The following CEP192 variants were observed in gnomAD, a reference collection of about 807,000 sequenced individuals.
CEP192 encodes the protein centrosomal protein of 192 kDa.
In CEP192, 151 loss-of-function variants were observed where a neutral mutation model predicts 271.8. The observed-to-expected ratio is 0.56, with a 90% CI of 0.49 to 0.64. The LOEUF (loss-of-function observed/expected upper bound fraction) is 0.64. CEP192 is among the 30% of genes least tolerant of loss of function. CEP192 has a pLI of 0.00. For synonymous variants in CEP192, 995 were observed against 1,076.5 expected, an observed-to-expected ratio of 0.92 and a Z score of 1.48; for missense variants, 2,910 against 3,020.5, an observed-to-expected ratio of 0.96 and a Z score of 0.86.
chr18:13,097,111 C>A (rs772764610), intron 36 of CEP192, among the ~76,000 whole-genome samples: 49 of 152,312 alleles, frequency 3.2e-4, no homozygotes, highest in Non-Finnish European at 5.0e-4. Context: ...CTCCAGAGAG[C>A]GTTGCTGGGA....
chr18:12,999,756 C>T (rs1474792204), intron 2 of CEP192, among the ~76,000 whole-genome samples, 168 bp downstream of exon 2: 1 of 151,466 alleles, frequency 6.6e-6, no homozygotes, highest in Non-Finnish European at 1.5e-5. Flanking sequence ...TCTTTTTCCC[C>T]ATTGCTTTGC....
At chr18:13,080,452 G>T (rs2038536680) in intron 30 of CEP192, among the ~76,000 whole-genome samples, 2 of 152,128 alleles carry the variant, frequency 1.3e-5, no homozygotes, top group Admixed American at 6.6e-5. Context: ...TGTTATTGGT[G>T]TATAGGAATG....
chr18:13,098,736 T>C (rs1390043382), intron 36 of CEP192, among the ~76,000 whole-genome samples: 1 of 119,556 alleles, frequency 8.4e-6, no homozygotes, highest in Non-Finnish European at 1.8e-5. Context: ...TCCCAGATGA[T>C]GGGCGGCCAG....
chr18:13,019,100 G>C lies in CEP192; in HGVS notation c.944G>C (p.Gly315Ala). 6.5e-7 allele frequency: 1 copy of C among 1,539,296 alleles called. No individual in the cohort carries two copies. The highest frequency in any genetic ancestry group is 8.8e-7 in the Non-Finnish European group (1 of 1,142,608). The stretch of plus-strand genomic sequence containing the variant: ...TTTTCAGGTAATTCTATAGGTACTG[G>C]AGATAGTAGAAGGTACACAGATGGT... ...LPGTSNSIGT[G>A]DSRRYTDGML... Residue 315 changes from glycine to alanine, a missense_variant, in exon 9 of 45, where the codon GGA (glycine) becomes GCA (alanine). Coordinates refer to ENST00000506447, the MANE Select transcript of CEP192 (RefSeq NM_032142.4).
intron 30 of CEP192, among the ~76,000 whole-genome samples, chr18:13,084,988 T>C (rs963810103): frequency 1.3e-5 from 2 of 150,062 alleles, no homozygotes; most frequent in African/African-American, 4.9e-5. Flanking sequence ...GCTAATTTTT[T>C]GGGTTTTTTT....
At chr18:13,048,077 A>G (rs1241709145) in intron 15 of CEP192, among the ~76,000 whole-genome samples, 2 of 152,236 alleles carry the variant, frequency 1.3e-5, no homozygotes, top group East Asian at 3.8e-4. Flanking sequence ...CATCATGCTT[A>G]TAAAGATCAA....
At chr18:13,016,442 C>G (rs2034649710) in intron 6 of CEP192, among the ~76,000 whole-genome samples, 1 of 152,174 alleles carries the variant, frequency 6.6e-6, no homozygotes, top group Admixed American at 6.5e-5. Flanking sequence ...ACTTTGAAAG[C>G]CAGGCTGATG....
chr18:13,049,946 T>TG (rs2036687505), intron 17 of CEP192, 55 bp downstream of exon 17: 8 of 1,401,290 alleles, frequency 5.7e-6, no homozygotes, highest in East Asian at 2.5e-5. Context: ...GTATAGGAAC[T>TG]GGGAAAAAAA....
Position 13,099,283 on chromosome 18 carries a change from C to T in CEP192, c.6558-193C>T, listed in dbSNP as rs144904147. ...GTTCATGCTGGTGAGTTCCTTGTAA[C>T]CCGTTGAGTCGGGTGGAGGCGGGAT... On this transcript the variant is annotated intron_variant, in intron 36 of 44. Coordinates refer to ENST00000506447, the MANE Select transcript of CEP192 (RefSeq NM_032142.4). Among the ~76,000 whole-genome samples, 184 of 152,118 alleles carry T rather than the reference C, an allele frequency of 1.2e-3. 1 individual carries two copies. Among genetic ancestry groups the T allele is most frequent in the African/African-American group, 4.2e-3 (176 of 41,490 alleles).
intron 17 of CEP192, 74 bp from the exon 18 acceptor site, chr18:13,052,845 A>G: frequency 2.6e-6 from 3 of 1,166,056 alleles, no homozygotes; most frequent in South Asian, 4.5e-5. Flanking sequence ...GTAGGCCCAT[A>G]GGAATGGTTT....
chr18:13,089,440 A>T lies in CEP192; in HGVS notation c.5994-16A>T, dbSNP rs758637126. The T allele has an allele frequency of 1.5e-6, 2 of 1,323,398 alleles. No homozygotes were observed. Among genetic ancestry groups the T allele is most frequent in the East Asian group, 4.7e-5 (2 of 42,894 alleles). The allele number at this position is 1,323,398 out of a possible 1,614,324, so 82.0% of individuals were successfully genotyped here. On this transcript the variant is annotated splice_polypyrimidine_tract_variant and intron_variant, in intron 32 of 44. Transcript: ENST00000506447. The stretch of plus-strand genomic sequence containing the variant: ...AACGTCACTTTTAAATAATAAAAAA[A>T]AATCTCTCCTGGCAGGGCCCTGTTA...
chr18:13,117,322 AT>A (rs1244186126), intron 43 of CEP192, among the ~76,000 whole-genome samples: 15 of 152,202 alleles, frequency 9.9e-5, no homozygotes, highest in Non-Finnish European at 5.9e-5. Flanking sequence ...TTATATTTTA[AT>A]TTTTAACTTT....
intron 21 of CEP192, 79 bp from the exon 22 acceptor site, chr18:13,067,752 A>G: frequency 8.2e-7 from 1 of 1,212,984 alleles, no homozygotes; most frequent in Non-Finnish European, 1.2e-6. Context: ...TGTGGCTAGA[A>G]ATGGCAGTGA....
intron 34 of CEP192, 54 bp from the exon 35 acceptor site, chr18:13,095,449 C>G: frequency 2.2e-6 from 3 of 1,348,526 alleles, no homozygotes; most frequent in African/African-American, 1.5e-5. Flanking sequence ...TCATTTTTAA[C>G]TTCTCAGTCT....
intron 37 of CEP192, among the ~76,000 whole-genome samples, chr18:13,099,930 C>T (rs2039627430): frequency 6.6e-6 from 1 of 152,112 alleles, no homozygotes; most frequent in Non-Finnish European, 1.5e-5. Flanking sequence ...ATTTTAGCAT[C>T]CTTAGGGGAT....
intron 36 of CEP192, among the ~76,000 whole-genome samples, chr18:13,096,897 G>C (rs1484951105): frequency 1.3e-5 from 2 of 152,178 alleles, no homozygotes; most frequent in Non-Finnish European, 2.9e-5. Context: ...GTTGTTGATA[G>C]GTGGGAAAGC....
intron 33 of CEP192, among the ~76,000 whole-genome samples, chr18:13,090,175 AT>A (rs919166883): frequency 1.3e-5 from 2 of 152,190 alleles, no homozygotes; most frequent in African/African-American, 4.8e-5. Flanking sequence ...GTATATACAG[AT>A]TTTCACCATA....
intron 11 of CEP192, among the ~76,000 whole-genome samples, chr18:13,032,823 C>T (rs2035708087): frequency 6.6e-6 from 1 of 152,112 alleles, no homozygotes; most frequent in African/African-American, 2.4e-5. Context: ...TTATTCATAC[C>T]CTGGAATATT....
At chr18:12,995,726 T>C (rs1047631767) in intron 1 of CEP192, among the ~76,000 whole-genome samples, 2 of 152,168 alleles carry the variant, frequency 1.3e-5, no homozygotes, top group African/African-American at 2.4e-5. Flanking sequence ...GGTTGGGAAG[T>C]GCCCTGTTCA....
Sources: allele counts gnomAD v4.1 joint callset (sites outside exome capture counted in the v4.1 genomes callset), GRCh38; gene constraint gnomAD v4.1.1; transcripts MANE v1.5; gene names NCBI Gene and HGNC (gene_info 2026-07-23, HGNC 2026-07-21).